EPHA6: variants seen among roughly 807,000 people sequenced by gnomAD.
EPHA6 encodes ephrin type-A receptor 6.
Under a neutral mutation model 112.0 loss-of-function variants are expected in EPHA6, and 50 were observed. The ratio of observed to expected loss-of-function variants is 0.45; its 90% CI spans 0.36 to 0.56. The LOEUF is 0.56. Ranked by LOEUF, EPHA6 falls within the 20% of genes least tolerant of loss-of-function variation. The probability of loss-of-function intolerance (pLI) is 0.00; values close to 1 mark genes in which losing one functional copy is unlikely to be tolerated. For missense variants in EPHA6, 1,280 were observed against 1,417.4 expected, an observed-to-expected ratio of 0.90 and a Z score of 1.56; for synonymous variants, 529 against 490.7, an observed-to-expected ratio of 1.08 and a Z score of -1.03.
chr3:97,173,661 G>T (rs190143448), intron 3 of EPHA6, among the ~76,000 whole-genome samples: 2 of 151,866 alleles, frequency 1.3e-5, no homozygotes, highest in Admixed American at 1.3e-4. Context: ...AATCTGTAAT[G>T]TATACAAGAT....
chr3:97,179,935 C>T (rs1392945576), intron 3 of EPHA6, among the ~76,000 whole-genome samples: 1 of 152,040 alleles, frequency 6.6e-6, no homozygotes, highest in African/African-American at 2.4e-5. Context: ...GCTTTATAAT[C>T]AGCAGGTGGC....
At chr3:96,947,514 G>C (rs555735296) in intron 2 of EPHA6, among the ~76,000 whole-genome samples, 12 of 152,080 alleles carry the variant, frequency 7.9e-5, no homozygotes, top group Non-Finnish European at 1.3e-4. Context: ...TATTTCTGAG[G>C]GCTCTGTTCT....
At position 97,001,017 on chromosome 3, in the gene EPHA6, G is replaced by GATATATATATATATATAT. The variant is rs57116000; in HGVS notation, c.1114+13038_1114+13039insATATATATATATATATAT. Among the ~76,000 whole-genome samples, 51 of 114,562 alleles carry GATATATATATATATATAT rather than the reference G, an allele frequency of 4.5e-4. 2 individuals carry two copies. The highest frequency in any genetic ancestry group is 1.4e-3 in the African/African-American group (34 of 24,134). The allele number at this position is 114,562 out of a possible 152,430, so 75.2% of individuals were successfully genotyped here. On this transcript the variant is annotated intron_variant, in intron 3 of 17. Transcript: ENST00000389672. Reference sequence around the variant, plus strand: ...AAACTCTCCAGCCCAGTCAGAAATTGATATATATATATATGCATGTGTGTT... The same window carrying GATATATATATATATATAT: ...AAACTCTCCAGCCCAGTCAGAAATTGATATATATATATATATATATATATATATATATGCATGTGTGTT...
intron 11 of EPHA6, chr3:97,570,069 T>G (rs895132560): frequency 1.3e-5 from 2 of 152,234 alleles, no homozygotes; most frequent in Non-Finnish European, 2.9e-5. Flanking sequence ...ATTTTTAATT[T>G]TATTGCCCTA....
At chr3:97,249,263 T>C (rs2079067194) in intron 5 of EPHA6, among the ~76,000 whole-genome samples, 1 of 152,172 alleles carries the variant, frequency 6.6e-6, no homozygotes, top group Non-Finnish European at 1.5e-5. Context: ...TATTTCTGTC[T>C]TCAACAAAAG....
chr3:97,667,696 A>C (rs914594371), intron 14 of EPHA6, among the ~76,000 whole-genome samples: 1 of 152,230 alleles, frequency 6.6e-6, no homozygotes, highest in Non-Finnish European at 1.5e-5. Context: ...CAACATGGGC[A>C]AACTCTTAAA....
At chr3:97,148,843 C>T (rs1459244452) in intron 3 of EPHA6, among the ~76,000 whole-genome samples, 1 of 151,952 alleles carries the variant, frequency 6.6e-6, no homozygotes, top group Admixed American at 6.6e-5. Flanking sequence ...ATTCCATTTC[C>T]TTATATCAGG....
At chr3:96,888,232 G>C (rs115424869) in intron 2 of EPHA6, among the ~76,000 whole-genome samples, 2,638 of 152,190 alleles carry the variant, frequency 0.017, 79 homozygotes, top group African/African-American at 0.058. Flanking sequence ...GGCCTGCTTG[G>C]CGACCCAGCG....
chr3:97,289,759 G>A (rs1470596822), intron 5 of EPHA6, among the ~76,000 whole-genome samples: 3 of 151,724 alleles, frequency 2.0e-5, no homozygotes, highest in Non-Finnish European at 4.4e-5. Flanking sequence ...TTGTAGTTCT[G>A]CTTGTAGAGA....
At chr3:97,545,244 C>CT in intron 11 of EPHA6, among the ~76,000 whole-genome samples, 1 of 152,028 alleles carries the variant, frequency 6.6e-6, no homozygotes, top group Non-Finnish European at 1.5e-5. Context: ...GAATGTGTCC[C>CT]AGAGATTCTG....
intron 11 of EPHA6, among the ~76,000 whole-genome samples, chr3:97,560,871 C>G (rs1336146417): frequency 6.6e-6 from 1 of 152,002 alleles, no homozygotes; most frequent in African/African-American, 2.4e-5. Context: ...GCCATTTTTT[C>G]AACAGTATGC....
chr3:97,167,439 C>T (rs1222584704), intron 3 of EPHA6, among the ~76,000 whole-genome samples: 1 of 152,048 alleles, frequency 6.6e-6, no homozygotes, highest in Non-Finnish European at 1.5e-5. Context: ...TGTTTTCAGC[C>T]TCCATAAATA....
chr3:97,711,602 C>A (rs1006552942), intron 14 of EPHA6, among the ~76,000 whole-genome samples: 3 of 152,018 alleles, frequency 2.0e-5, no homozygotes, highest in Non-Finnish European at 4.4e-5. Flanking sequence ...GTCTAAGAAC[C>A]TAGAGTTCTG....
intron 14 of EPHA6, chr3:97,648,425 G>A: frequency 6.8e-7 from 1 of 1,471,002 alleles, no homozygotes; most frequent in South Asian, 1.5e-5. Flanking sequence ...AGCATGAGGG[G>A]AAGGTATTTA....
chr3:97,671,188 C>T (rs1183094048), intron 14 of EPHA6, among the ~76,000 whole-genome samples: 1 of 152,150 alleles, frequency 6.6e-6, no homozygotes, highest in Non-Finnish European at 1.5e-5. Flanking sequence ...TCACAAATAG[C>T]TCCCTGTGAG....
intron 5 of EPHA6, among the ~76,000 whole-genome samples, chr3:97,315,237 T>C (rs1203982612): frequency 1.3e-5 from 2 of 151,686 alleles, no homozygotes. Context: ...TATAGCACAC[T>C]ATCCACTTTC....
chr3:97,316,080 T>G (rs1353204963), intron 5 of EPHA6, among the ~76,000 whole-genome samples: 1 of 151,914 alleles, frequency 6.6e-6, no homozygotes, highest in African/African-American at 2.4e-5. Flanking sequence ...TTAGAACCCT[T>G]AAATTATTGT....
At chr3:97,583,444 C>A (rs1330645558) in intron 11 of EPHA6, among the ~76,000 whole-genome samples, 3 of 151,660 alleles carry the variant, frequency 2.0e-5, no homozygotes, top group Non-Finnish European at 4.4e-5. Context: ...GAGGCTGAGG[C>A]AGGAGAATGG....
intron 5 of EPHA6, among the ~76,000 whole-genome samples, chr3:97,288,680 A>G (rs2317888): frequency 0.23 from 34,232 of 152,074 alleles, 9,061 homozygotes; most frequent in African/African-American, 0.63. Context: ...GAACTAATTT[A>G]CATTCCCACC....
Sources: allele counts gnomAD v4.1 joint callset (sites outside exome capture counted in the v4.1 genomes callset), GRCh38; gene constraint gnomAD v4.1.1; transcripts MANE v1.5; gene names NCBI Gene and HGNC (gene_info 2026-07-23, HGNC 2026-07-21).